The following ZNF777 variants were observed in gnomAD, a reference collection of about 807,000 sequenced individuals.
ZNF777 encodes zinc finger protein 777.
A neutral mutation model predicts 72.1 loss-of-function variants in ZNF777; 7 were observed. That is an observed-to-expected ratio of 0.10 (90% CI 0.06 to 0.18). The LOEUF (loss-of-function observed/expected upper bound fraction) is 0.18, where lower values mean the gene tolerates loss of function less well. ZNF777 is among the 10% of genes least tolerant of loss of function. The pLI is 1.00. For missense variants in ZNF777, 828 were observed against 1,128.6 expected (o/e 0.73, Z 3.82); for synonymous variants, 545 against 483.5 (o/e 1.13, Z -1.67).
In ZNF777 at chr7:149,455,355, C is replaced by T. The variant is rs1317026391; in HGVS notation, c.668G>A (p.Cys223Tyr). Residue 223 changes from cysteine (C) to tyrosine (Y), a missense_variant, in exon 2 of 6, where the codon TGC (cysteine) becomes TAC (tyrosine). Physicochemically the swap from Cys to Tyr is radical, Grantham distance 194. This residue lies in a region of ZNF777 where 76 missense variants were observed against 157.3 expected (regional missense o/e 0.48). Transcript: ENST00000247930. The surrounding 1 kb of genome is among the most constrained non-coding windows in gnomAD (Gnocchi z 4.2). ...TGTNEKKIAD[C>Y]EKTAVEFANH... ...CGCGAACTCCACGGCTGTCTTCTCG[C>T]AGTCGGCTATCTTCTTTTCATTTGT... The T allele has an allele frequency of 1.2e-6, 2 of 1,614,248 alleles. No individual in the cohort carries two copies. Among genetic ancestry groups the T allele is most frequent in the South Asian group, 2.2e-5 (2 of 91,084 alleles).
chr7:149,434,536 G>A (rs963605693), intron 5 of ZNF777, among the ~76,000 whole-genome samples: 1 of 152,126 alleles, frequency 6.6e-6, no homozygotes. Flanking sequence ...TAGATCCTGA[G>A]AAGCACTAAA....
Position 149,431,717 on chromosome 7 carries a change from G to T in ZNF777, c.*59C>A, listed in dbSNP as rs1366199008. On this transcript the variant is annotated 3_prime_UTR_variant, in exon 6 of 6. Coordinates refer to ENST00000247930, the MANE Select transcript of ZNF777 (RefSeq NM_015694.3). ...CCGCCCGCTGGGCTCGGGCCTGGCGGTGTCCGAGGGGGGGCACGGCCCGCG... is the reference window on the plus strand; with the variant it reads ...CCGCCCGCTGGGCTCGGGCCTGGCGTTGTCCGAGGGGGGGCACGGCCCGCG... 1 of 1,230,124 alleles carries T rather than the reference G, an allele frequency of 8.1e-7. No individual in the cohort carries two copies. Among genetic ancestry groups the T allele is most frequent in the Admixed American group, 4.9e-5 (1 of 20,458 alleles). 76.2% of individuals were successfully genotyped at this position (1,230,124 alleles called of 1,614,324 possible). A position where few individuals can be genotyped will look rare whatever the true frequency, so the allele number is the denominator to read the frequency against.
chr7:149,442,715 C>A (rs1799544408), intron 4 of ZNF777, among the ~76,000 whole-genome samples: 1 of 151,230 alleles, frequency 6.6e-6, no homozygotes, highest in African/African-American at 2.4e-5. Flanking sequence ...AAGCTTTTTA[C>A]AAATCAATAA....
intron 1 of ZNF777, chr7:149,459,797 C>T: frequency 1.0e-6 from 1 of 984,912 alleles, no homozygotes; most frequent in Non-Finnish European, 1.2e-6. Context: ...CTGCGGAAAA[C>T]GTGCCGGCGG....
Position 149,432,555 on chromosome 7 carries a change from GC to G in ZNF777, c.1716del (p.Tyr574ThrfsTer78). ...ATCTCGCATTCGGCGCACTCGTAGG[GC>G]CCCTCCTTGATGTGGTTGCGCTGGT... ...IIHQRNHIKE[G>X]PYECAECEIS... On this transcript the variant is annotated frameshift_variant, in exon 6 of 6. Coordinates refer to ENST00000247930, the MANE Select transcript of ZNF777 (RefSeq NM_015694.3). LOFTEE classifies it high-confidence loss of function. 1 of 1,613,792 alleles carries G rather than the reference GC, an allele frequency of 6.2e-7. No individual in the cohort carries two copies. Among genetic ancestry groups the G allele is most frequent in the Non-Finnish European group, 8.5e-7 (1 of 1,179,832 alleles).
Position 149,455,566 on chromosome 7 carries a change from G to A in ZNF777, c.457C>T (p.Pro153Ser). ...TGGGAAACCGGGCTCTGGAGCAGCG[G>A]GTCCATGTCAGTCTCGGGAACTGTT... Reference protein sequence around the residue: ...SPTVPETDMDPLLQSPVSQKD... With the variant: ...SPTVPETDMDSLLQSPVSQKD... Residue 153 changes from proline to serine, a missense_variant, in exon 2 of 6, where the codon CCG (proline) becomes TCG (serine). By Grantham distance (74) the Pro-to-Ser change is moderately conservative. Coordinates refer to ENST00000247930, the MANE Select transcript of ZNF777 (RefSeq NM_015694.3). This position sits in a 1 kb window ranked among gnomAD's most constrained non-coding sequence, Gnocchi z 4.2. 6.2e-7 allele frequency: 1 copy of A among 1,613,816 alleles called. No homozygotes were observed. The highest frequency in any genetic ancestry group is 8.5e-7 in the Non-Finnish European group (1 of 1,179,978).
intron 4 of ZNF777, among the ~76,000 whole-genome samples, chr7:149,445,201 A>C (rs1176997878): frequency 1.3e-5 from 2 of 152,180 alleles, no homozygotes; most frequent in African/African-American, 4.8e-5. Flanking sequence ...TTTTTTAAAA[A>C]ACAAGCATTA....
intron 4 of ZNF777, among the ~76,000 whole-genome samples, chr7:149,443,909 A>G (rs555230815): frequency 6.6e-6 from 1 of 152,290 alleles, no homozygotes; most frequent in East Asian, 1.9e-4. Context: ...TTATTTTTTA[A>G]AAAGTTCTTT....
At chr7:149,433,079 G>A (rs572333217) in intron 5 of ZNF777, 147 bp from the exon 6 acceptor site, 19 of 1,272,892 alleles carry the variant, frequency 1.5e-5, no homozygotes, top group East Asian at 2.6e-5. Flanking sequence ...CCCTCATTGC[G>A]TCCCCTGGTC....
chr7:149,459,857 G>C, intron 1 of ZNF777: 5 of 984,226 alleles, frequency 5.1e-6, no homozygotes, highest in South Asian at 9.4e-5. Flanking sequence ...GCGCGCCTCC[G>C]GGCGCCCCAC....
chr7:149,459,825 G>T (rs1799910951), intron 1 of ZNF777: 3 of 984,876 alleles, frequency 3.0e-6, no homozygotes, highest in Non-Finnish European at 3.6e-6. Flanking sequence ...GACGGACGCA[G>T]CGCGGGCCCC....
chr7:149,453,459 A>C (rs971354905), intron 3 of ZNF777, among the ~76,000 whole-genome samples: 1 of 152,192 alleles, frequency 6.6e-6, no homozygotes, highest in Non-Finnish European at 1.5e-5. Context: ...ATATATATAC[A>C]CACACACATA....
At chr7:149,437,799 C>CTTTTTTTTTTTTTT (rs796721387) in intron 4 of ZNF777, among the ~76,000 whole-genome samples, 3 of 115,654 alleles carry the variant, frequency 2.6e-5, no homozygotes, top group Non-Finnish European at 5.2e-5. Context: ...ATGTTTGTTT[C>CTTTTTTTTTTTTTT]TTTTTCTTTT....
At chr7:149,452,078 A>C (rs1205777342) in intron 3 of ZNF777, among the ~76,000 whole-genome samples, 1 of 151,768 alleles carries the variant, frequency 6.6e-6, no homozygotes, top group African/African-American at 2.4e-5. Flanking sequence ...ATCCTGGCTA[A>C]CATGGTGAAA....
At chr7:149,453,600 G>C (rs1417674284) in intron 3 of ZNF777, among the ~76,000 whole-genome samples, 1 of 152,172 alleles carries the variant, frequency 6.6e-6, no homozygotes, top group Non-Finnish European at 1.5e-5. Flanking sequence ...CCTGATCACA[G>C]CCTCAGTGTT....
Position 149,431,630 on chromosome 7 carries a change from T to G in ZNF777, c.*146A>C. ...CCTGGTCTCACTGCCCCCATGTCCT[T>G]GGGAGGAGGGACGAGAGGAGAGGGG... On this transcript the variant is annotated 3_prime_UTR_variant, in exon 6 of 6. Transcript: ENST00000247930. 94 of 798,206 alleles carry G rather than the reference T, an allele frequency of 1.2e-4. No homozygotes were observed. Among genetic ancestry groups the G allele is most frequent in the Non-Finnish European group, 1.5e-4 (83 of 565,902 alleles). 49.4% of individuals were successfully genotyped at this position (798,206 alleles called of 1,614,324 possible).
intron 4 of ZNF777, among the ~76,000 whole-genome samples, chr7:149,442,734 C>T (rs1204146315): frequency 3.3e-5 from 5 of 151,536 alleles, no homozygotes; most frequent in African/African-American, 9.7e-5. Context: ...AATAAAAAGA[C>T]GAGTAATCCA....
chr7:149,452,457 T>C (rs966746922), intron 3 of ZNF777, among the ~76,000 whole-genome samples: 1 of 151,308 alleles, frequency 6.6e-6, no homozygotes, highest in Non-Finnish European at 1.5e-5. Flanking sequence ...GGTAAAACCC[T>C]GTCTCTACTA....
At chr7:149,450,160 G>A (rs1057282279) in intron 4 of ZNF777, among the ~76,000 whole-genome samples, 2 of 152,200 alleles carry the variant, frequency 1.3e-5, no homozygotes, top group Non-Finnish European at 2.9e-5. Flanking sequence ...AGCTTCTGCT[G>A]ATGACCATCA....
Sources: gnomAD v4.1 joint callset for allele counts (sites outside exome capture counted in the v4.1 genomes callset) on GRCh38, gnomAD v4.1.1 for gene constraint, gnomAD v4.1.1 regional missense constraint, Gnocchi (gnomAD v3.1) non-coding constraint, MANE v1.5 for transcripts, NCBI Gene and HGNC (gene_info 2026-07-23, HGNC 2026-07-21) for gene names.